The following MAML3 variants were observed in gnomAD, a reference collection of about 807,000 sequenced individuals.
The protein encoded by MAML3 is mastermind-like protein 3.
MAML3 carries 27 observed loss-of-function variants against 101.9 expected under a neutral mutation model. The ratio of observed to expected loss-of-function variants is 0.27; its 90% confidence interval spans 0.20 to 0.37. MAML3 has a LOEUF of 0.37. Among genes scored for constraint, MAML3 ranks in the 10% least tolerant of loss-of-function variants. The pLI, the probability that MAML3 is intolerant of heterozygous loss-of-function variation, is 1.00. For missense variants in MAML3, 1,316 were observed against 1,444.9 expected, an observed-to-expected ratio of 0.91 and a Z score of 1.45; for synonymous variants, 501 against 555.9, an observed-to-expected ratio of 0.90 and a Z score of 1.39.
Position 139,717,458 on chromosome 4 carries a change from C to T in MAML3, c.*1865G>A, listed in dbSNP as rs1325449379. On this transcript the variant is annotated 3_prime_UTR_variant, in exon 5 of 5. Coordinates refer to ENST00000509479, the MANE Select transcript of MAML3 (RefSeq NM_018717.5). ...CCCCATTTGGGGAGTTCAGGGTCAC[C>T]CTGCTGCCACCTCTTCGGAGAGGGC... The T allele has an allele frequency of 6.6e-6, 1 of 152,222 alleles. No individual in the cohort carries two copies. The highest frequency in any genetic ancestry group is 1.9e-4 in the East Asian group (1 of 5,190). The allele number at this position is 152,222 out of a possible 1,614,324, so 9.4% of individuals were successfully genotyped here.
intron 2 of MAML3, among the ~76,000 whole-genome samples, chr4:139,807,214 A>G (rs1730717128): frequency 6.6e-6 from 1 of 152,152 alleles, no homozygotes; most frequent in South Asian, 2.1e-4. Flanking sequence ...AAAAATAACA[A>G]CTGACAAGAC....
intron 2 of MAML3, among the ~76,000 whole-genome samples, chr4:139,875,352 G>A (rs1238567385): frequency 6.6e-6 from 1 of 152,110 alleles, no homozygotes; most frequent in Non-Finnish European, 1.5e-5. Context: ...TGCAAAAACG[G>A]AGAGAACTGT....
intron 1 of MAML3, among the ~76,000 whole-genome samples, chr4:139,982,046 C>T (rs1168561287): frequency 3.9e-5 from 6 of 152,064 alleles, no homozygotes; most frequent in African/African-American, 1.5e-4. Flanking sequence ...TCACTATGTG[C>T]AGATCTATTC....
chr4:140,061,785 G>A (rs1429707470), intron 1 of MAML3, among the ~76,000 whole-genome samples: 2 of 152,120 alleles, frequency 1.3e-5, no homozygotes, highest in African/African-American at 4.8e-5. Context: ...CCACTAACTG[G>A]CAAAAGGAAC....
intron 2 of MAML3, among the ~76,000 whole-genome samples, chr4:139,818,830 A>G (rs913224999): frequency 2.0e-5 from 3 of 152,236 alleles, no homozygotes; most frequent in Admixed American, 2.0e-4. Context: ...GTCTTGTAGT[A>G]TCAGTTCAAT....
intron 1 of MAML3, among the ~76,000 whole-genome samples, chr4:140,054,565 A>G (rs545226274): frequency 1.3e-5 from 2 of 152,056 alleles, no homozygotes; most frequent in Non-Finnish European, 2.9e-5. Context: ...TCCTGTTTTC[A>G]CACGTTTGTT....
At chr4:140,034,505 C>G (rs1268504977) in intron 1 of MAML3, among the ~76,000 whole-genome samples, 2 of 152,174 alleles carry the variant, frequency 1.3e-5, no homozygotes, top group Non-Finnish European at 2.9e-5. Flanking sequence ...GAAGGAAAGG[C>G]TGGGTGGGCC....
At chr4:139,723,163 C>A (rs1435838360) in intron 4 of MAML3, among the ~76,000 whole-genome samples, 1 of 152,194 alleles carries the variant, frequency 6.6e-6, no homozygotes, top group East Asian at 1.9e-4. Context: ...ACATCAGGAT[C>A]TGTTAAGTGG....
chr4:139,775,751 C>CTATCATCTGCTGA (rs1730083337), intron 2 of MAML3, among the ~76,000 whole-genome samples: 2 of 152,194 alleles, frequency 1.3e-5, no homozygotes, highest in Non-Finnish European at 2.9e-5. Context: ...CAAACTGTTG[C>CTATCATCTGCTGA]TATCATCTGC....
chr4:139,803,929 C>A (rs1470681020), intron 2 of MAML3, among the ~76,000 whole-genome samples: 1 of 152,142 alleles, frequency 6.6e-6, no homozygotes, highest in Non-Finnish European at 1.5e-5. Flanking sequence ...TAGTTCAACA[C>A]ACCCAGCTCA....
intron 2 of MAML3, among the ~76,000 whole-genome samples, chr4:139,766,232 C>T (rs906601996): frequency 2.6e-5 from 4 of 152,068 alleles, no homozygotes; most frequent in African/African-American, 9.7e-5. Flanking sequence ...AGTGCAGTGG[C>T]ATGATCTCGG....
intron 1 of MAML3, among the ~76,000 whole-genome samples, chr4:139,907,050 C>T (rs1400837079): frequency 6.6e-6 from 1 of 152,330 alleles, no homozygotes; most frequent in East Asian, 1.9e-4. Flanking sequence ...ATAGATTTCA[C>T]TGAAGACTGA....
chr4:140,105,527 G>C (rs1728336569), intron 1 of MAML3, among the ~76,000 whole-genome samples: 1 of 152,098 alleles, frequency 6.6e-6, no homozygotes, highest in Admixed American at 6.5e-5. Flanking sequence ...AAAACCCAAA[G>C]GGTCAGCCCA....
chr4:139,777,036 G>T (rs17050908), intron 2 of MAML3, among the ~76,000 whole-genome samples: 1 of 151,136 alleles, frequency 6.6e-6, no homozygotes, highest in Admixed American at 6.6e-5. Flanking sequence ...ATATAGGAAG[G>T]GTTTTGGAGG....
chr4:139,987,770 A>G (rs1247877529), intron 1 of MAML3, among the ~76,000 whole-genome samples: 3 of 152,116 alleles, frequency 2.0e-5, no homozygotes, highest in Non-Finnish European at 2.9e-5. Context: ...CTGTAATCCC[A>G]GCACTTTGGA....
chr4:140,140,818 T>C (rs752575385), intron 1 of MAML3, among the ~76,000 whole-genome samples: 3 of 152,080 alleles, frequency 2.0e-5, no homozygotes, highest in Non-Finnish European at 4.4e-5. Flanking sequence ...CATGATATGG[T>C]GGGACAGGAG....
At chr4:139,936,832 C>T (rs928234394) in intron 1 of MAML3, among the ~76,000 whole-genome samples, 2 of 152,182 alleles carry the variant, frequency 1.3e-5, no homozygotes, top group Non-Finnish European at 2.9e-5. Context: ...AGTGACCCCC[C>T]TGAAAGAAAG....
intron 1 of MAML3, among the ~76,000 whole-genome samples, chr4:140,057,875 G>A (rs1480147348): frequency 1.3e-5 from 2 of 151,694 alleles, no homozygotes; most frequent in Non-Finnish European, 2.9e-5. Context: ...TACATGGTTG[G>A]CTTATGGAGG....
chr4:140,060,381 A>AAAAAAAAAAAAAAAAAAAAAAAAAAC (rs1560880622), intron 1 of MAML3, among the ~76,000 whole-genome samples: 1 of 148,320 alleles, frequency 6.7e-6, no homozygotes, highest in Non-Finnish European at 1.5e-5. Flanking sequence ...AAAAAAAAAA[A>AAAAAAAAAAAAAAAAAAAAAAAAAAC]AAAAGTCACA....
Sources: allele counts gnomAD v4.1 joint callset (sites outside exome capture counted in the v4.1 genomes callset), GRCh38; gene constraint gnomAD v4.1.1; transcripts MANE v1.5; gene names NCBI Gene and HGNC (gene_info 2026-07-23, HGNC 2026-07-21).